Variants in ANKRD28 observed in about 807,000 individuals in gnomAD.
ANKRD28 encodes ankyrin repeat domain 28.
A neutral mutation model predicts 126.5 loss-of-function variants in ANKRD28; 44 were observed. The observed-to-expected ratio is 0.35, with a 90% CI of 0.27 to 0.45. The LOEUF (loss-of-function observed/expected upper bound fraction) is 0.45. ANKRD28 is among the 20% of genes least tolerant of loss of function. The pLI is 1.00. For missense variants in ANKRD28, 1,110 were observed against 1,316.6 expected, an observed-to-expected ratio of 0.84 and a Z score of 2.43; for synonymous variants, 442 against 468.5, an observed-to-expected ratio of 0.94 and a Z score of 0.73.
intron 1 of ANKRD28, among the ~76,000 whole-genome samples, chr3:15,819,366 G>T (rs2060895956): frequency 6.6e-6 from 1 of 152,172 alleles, no homozygotes; most frequent in Non-Finnish European, 1.5e-5. Flanking sequence ...TCCATAAATA[G>T]AGCTACACAT....
intron 14 of ANKRD28, among the ~76,000 whole-genome samples, chr3:15,702,105 C>T (rs994321184): frequency 1.3e-5 from 2 of 152,150 alleles, no homozygotes; most frequent in African/African-American, 2.4e-5. Context: ...TCTGGGTAAG[C>T]ATTATCTCTA....
At chr3:15,793,362 A>T (rs747026746) in intron 2 of ANKRD28, among the ~76,000 whole-genome samples, 12 of 152,238 alleles carry the variant, frequency 7.9e-5, no homozygotes, top group Non-Finnish European at 1.5e-4. Context: ...GCCTAAAAGC[A>T]ATCATAAAAG....
intron 1 of ANKRD28, among the ~76,000 whole-genome samples, chr3:15,806,150 A>G (rs539927583): frequency 6.6e-6 from 1 of 152,288 alleles, no homozygotes; most frequent in East Asian, 1.9e-4. Context: ...TCAGGTGTGG[A>G]GTTTCTTTTA....
At chr3:15,801,364 T>A (rs2060462077), upstream of ANKRD28, among the ~76,000 whole-genome samples, 1 of 152,138 alleles carries the variant, frequency 6.6e-6, no homozygotes, top group African/African-American at 2.4e-5. This position sits in a 1 kb window ranked among gnomAD's most constrained non-coding sequence, Gnocchi z 4.9. Context: ...TGCAACAAGA[T>A]CCAACCTAAA....
At chr3:15,689,924 T>C (rs544369578) in intron 18 of ANKRD28, 95 bp downstream of exon 18, 4 of 1,230,426 alleles carry the variant, frequency 3.3e-6, no homozygotes, top group Non-Finnish European at 4.4e-6. Flanking sequence ...AGGTCAAAAT[T>C]TTAAAGACAA....
At chr3:15,740,103 C>A (rs2075340552) in intron 4 of ANKRD28, among the ~76,000 whole-genome samples, 1 of 152,274 alleles carries the variant, frequency 6.6e-6, no homozygotes, top group South Asian at 2.1e-4. Flanking sequence ...GGATAAATCT[C>A]AAAAACGTTG....
At chr3:15,822,459 A>C (rs966540889) in intron 1 of ANKRD28, among the ~76,000 whole-genome samples, 2 of 152,254 alleles carry the variant, frequency 1.3e-5, no homozygotes, top group Non-Finnish European at 2.9e-5. Context: ...CAGAACAAGC[A>C]GCAATAACAA....
At chr3:15,824,444 C>T (rs537673708) in intron 1 of ANKRD28, among the ~76,000 whole-genome samples, 1 of 152,278 alleles carries the variant, frequency 6.6e-6, no homozygotes, top group South Asian at 2.1e-4. Flanking sequence ...GTGTGAGCTA[C>T]TATGCTTGGC....
chr3:15,850,224 T>TATAG (rs1418223588), intron 1 of ANKRD28, among the ~76,000 whole-genome samples: 77 of 35,112 alleles, frequency 2.2e-3, no homozygotes, highest in African/African-American at 3.7e-3. Flanking sequence ...TATATATATA[T>TATAG]AGAGAGAGAG....
At chr3:15,725,312 A>C (rs1319712701) in intron 6 of ANKRD28, among the ~76,000 whole-genome samples, 2 of 152,178 alleles carry the variant, frequency 1.3e-5, no homozygotes, top group Non-Finnish European at 2.9e-5. Flanking sequence ...CTAATACCCT[A>C]AGGATAACAA....
Position 15,724,379 on chromosome 3 carries a change from T to C in ANKRD28, c.783+3A>G. On this transcript the variant is annotated splice_donor_region_variant and intron_variant, in intron 7 of 27. Transcript: ENST00000683139. ...TTTTATACTGTTCAATTAATATACC[T>C]ACATCAACTCCAAGATCTAGAAGGT... 6.2e-7 allele frequency: 1 copy of C among 1,601,426 alleles called. No individual in the cohort carries two copies. The highest frequency in any genetic ancestry group is 8.5e-7 in the Non-Finnish European group (1 of 1,173,564).
intron 14 of ANKRD28, among the ~76,000 whole-genome samples, chr3:15,704,149 T>C (rs2125987793): frequency 6.6e-6 from 1 of 152,306 alleles, no homozygotes; most frequent in East Asian, 1.9e-4. Flanking sequence ...ACATATTTAA[T>C]ATGTTCATTG....
chr3:15,831,391 G>A (rs1010365221), intron 1 of ANKRD28, among the ~76,000 whole-genome samples: 3 of 152,180 alleles, frequency 2.0e-5, no homozygotes, highest in Non-Finnish European at 2.9e-5. Flanking sequence ...TCTCCAAGCA[G>A]CTTGTTTTAG....
chr3:15,692,135 ATCTCT>A, intron 17 of ANKRD28, among the ~76,000 whole-genome samples: 1 of 128,260 alleles, frequency 7.8e-6, no homozygotes, highest in Non-Finnish European at 1.6e-5. Context: ...ATGAGATTGT[ATCTCT>A]AAATAAAAAA....
chr3:15,793,994 C>T (rs1156897380), intron 2 of ANKRD28, among the ~76,000 whole-genome samples: 3 of 152,164 alleles, frequency 2.0e-5, no homozygotes, highest in African/African-American at 4.8e-5. Context: ...CGCTTGAACC[C>T]GGGAGGCAGA....
At chr3:15,780,198 T>G (rs1189478917) in intron 2 of ANKRD28, among the ~76,000 whole-genome samples, 1 of 152,036 alleles carries the variant, frequency 6.6e-6, no homozygotes, top group African/African-American at 2.4e-5. Context: ...TGACTGAAAC[T>G]GACAAATGAA....
At chr3:15,728,187 G>C (rs1308522697) in intron 6 of ANKRD28, among the ~76,000 whole-genome samples, 1 of 151,880 alleles carries the variant, frequency 6.6e-6, no homozygotes, top group Admixed American at 6.5e-5. Context: ...TTTTAATTAA[G>C]AACACTGAAA....
rs2061380221 is a variant in ANKRD28, at chr3:15,839,024, T to C, written c.27+20353A>G. On this transcript the variant is annotated intron_variant, in intron 1 of 27. Transcript: ENST00000399451. This position sits in a 1 kb window ranked among gnomAD's most constrained non-coding sequence, Gnocchi z 4.3. ...CCAGACAAAAAATGATCACGTATCA[T>C]ATGACTCCACTTATATAAAATGTCC... Among the ~76,000 whole-genome samples, 1 of 152,186 alleles carries C rather than the reference T, an allele frequency of 6.6e-6. No homozygotes were observed. The highest frequency in any genetic ancestry group is 1.5e-5 in the Non-Finnish European group (1 of 68,026).
In ANKRD28 at chr3:15,859,579, G is replaced by A. The variant is rs1161166476; in HGVS notation, c.-176C>T. On this transcript the variant is annotated 5_prime_UTR_variant, in exon 1 of 28. Coordinates refer to the ANKRD28 transcript ENST00000399451. Reference sequence around the variant, plus strand: ...AGGGGGCGGCGCCGCCTCCCCGGCCGCCCGCCGCCGCCGCCGCCGCCGCCG... The same window carrying A: ...AGGGGGCGGCGCCGCCTCCCCGGCCACCCGCCGCCGCCGCCGCCGCCGCCG... 95 of 250,460 alleles carry A rather than the reference G, an allele frequency of 3.8e-4. 1 individual carries two copies. Among genetic ancestry groups the A allele is most frequent in the Admixed American group, 1.4e-3 (20 of 14,764 alleles). The allele number at this position is 250,460 out of a possible 1,614,324, so 15.5% of individuals were successfully genotyped here.
Sources: allele counts gnomAD v4.1 joint callset (sites outside exome capture counted in the v4.1 genomes callset), GRCh38; gene constraint gnomAD v4.1.1; non-coding constraint Gnocchi (gnomAD v3.1); transcripts MANE v1.5; gene names NCBI Gene and HGNC (gene_info 2026-07-23, HGNC 2026-07-21).